The following ALG13 variants were observed in gnomAD, a reference collection of about 807,000 sequenced individuals.
ALG13 encodes the protein UDP-N-acetylglucosamine transferase subunit ALG13.
Under a neutral mutation model 87.8 loss-of-function variants are expected in ALG13, and 11 were observed. That is an observed-to-expected ratio of 0.13 (90% CI 0.08 to 0.21). ALG13 has a LOEUF of 0.21. ALG13 is among the 10% of genes least tolerant of loss of function. The pLI is 1.00. For synonymous variants in ALG13, 320 were observed against 306.3 expected (o/e 1.04, Z -0.47); for missense variants, 756 against 866.1 (o/e 0.87, Z 1.60).
chrX:111,697,688 A>G (rs1171740054), intron 3 of ALG13, among the ~76,000 whole-genome samples: 1 of 112,286 alleles, frequency 8.9e-6, no homozygotes, highest in Non-Finnish European at 1.9e-5. Context: ...AAAATATCCT[A>G]TTGTACTAAT....
In ALG13 at chrX:111,708,033, G is replaced by A. The variant is rs749761347; in HGVS notation, c.390G>A (p.Leu130=). Residue 130 remains leucine, a synonymous_variant, in exon 4 of 27, where the codon CTG becomes CTA. Transcript: ENST00000394780. ...CTTCCTCTTCTTTTCACAGGGTCCTGACTTGTCCTGGGCAAGCCAAGTCCA... is the reference window on the plus strand; with the variant it reads ...CTTCCTCTTCTTTTCACAGGGTCCTAACTTGTCCTGGGCAAGCCAAGTCCA... ...GHLFYCTCRV[L]TCPGQAKSIA... is the part of the protein sequence containing the mutation. 4 of 1,207,307 alleles carry A rather than the reference G, an allele frequency of 3.3e-6. No homozygotes were observed. The highest frequency in any genetic ancestry group is 4.5e-6 in the Non-Finnish European group (4 of 893,372).
chrX:111,713,816 A>G (rs773294508), intron 8 of ALG13, among the ~76,000 whole-genome samples: 1 of 112,130 alleles, frequency 8.9e-6, no homozygotes, highest in Non-Finnish European at 1.9e-5. Context: ...TCTTGAGGGA[A>G]GTGACAGTGT....
chrX:111,691,407 C>T (rs1936130312), intron 3 of ALG13, among the ~76,000 whole-genome samples: 1 of 111,713 alleles, frequency 9.0e-6, no homozygotes, highest in Middle Eastern at 4.7e-3. Context: ...GGCCGTAATA[C>T]GATATTTTTA....
rs1945596882 is a variant in ALG13, at chrX:111,759,847, G to A, written c.3262G>A (p.Val1088Ile). 1 of 1,208,970 alleles carries A rather than the reference G, an allele frequency of 8.3e-7. No homozygotes were observed. Among genetic ancestry groups the A allele is most frequent in the African/African-American group, 1.8e-5 (1 of 56,924 alleles). Residue 1088 changes from valine (V) to isoleucine (I), a missense_variant, in exon 27 of 27, where the codon GTT (valine) becomes ATT (isoleucine). By Grantham distance (29) the Val-to-Ile change is conservative. Around this residue, in one of 9 missense-constraint regions of ALG13, gnomAD observed 110 missense variants for 104.9 expected, o/e 1.05. Transcript: ENST00000394780. ...GCCAGGTTTTGACTCCTGCCTTCCG[G>A]TTGTGCCAGATTATTCCTGTGTTCC... ...PLPGFDSCLP[V>I]VPDYSCVPPW...
At chrX:111,755,503 G>T (rs187468749) in intron 25 of ALG13, among the ~76,000 whole-genome samples, 1 of 112,246 alleles carries the variant, frequency 8.9e-6, no homozygotes, top group Non-Finnish European at 1.9e-5. Flanking sequence ...GCAACCTACA[G>T]AATGGGAGAA....
At position 111,686,842 on chromosome X, in the gene ALG13, A is replaced by G. The variant is rs753458343; in HGVS notation, c.383+1739A>G. On this transcript the variant is annotated intron_variant, in intron 3 of 26. Transcript: ENST00000394780. ...AGGAAGGAAACTGTACAAGTCTCCA[A>G]TTTATTTTATTTTTATTTTTTTACA... Among the ~76,000 whole-genome samples the G allele has an allele frequency of 4.4e-5, 5 of 112,456 alleles. No homozygotes were observed. In the South Asian group the frequency reaches 1.8e-3, roughly 41 times the overall value.
chrX:111,723,479 G>GC (rs757661346), intron 13 of ALG13, among the ~76,000 whole-genome samples: 1 of 110,525 alleles, frequency 9.0e-6, no homozygotes, highest in African/African-American at 3.3e-5. Context: ...TTACTATGTT[G>GC]CCCAGGCTGG....
At chrX:111,729,474 G>T (rs751705506) in intron 19 of ALG13, among the ~76,000 whole-genome samples, 1 of 111,311 alleles carries the variant, frequency 9.0e-6, no homozygotes, top group Non-Finnish European at 1.9e-5. Context: ...AACTTTGTAC[G>T]TGTGTGCATG....
chrX:111,726,847 T>A lies in ALG13; in HGVS notation c.1768T>A (p.Phe590Ile). 8.3e-7 allele frequency: 1 copy of A among 1,210,703 alleles called. No individual in the cohort carries two copies. Residue 590 changes from phenylalanine to isoleucine, a missense_variant, in exon 16 of 27, where the codon TTC (phenylalanine) becomes ATC (isoleucine). Coordinates refer to ENST00000394780, the MANE Select transcript of ALG13 (RefSeq NM_001099922.3). ...EMDIKQQKKM[F>I]KKIRGKEVYM... Reference sequence around the variant, plus strand: ...GGACATAAAGCAACAGAAGAAGATGTTCAAGAAAATTCGAGGGAAAGAAGT... The same window carrying A: ...GGACATAAAGCAACAGAAGAAGATGATCAAGAAAATTCGAGGGAAAGAAGT...
chrX:111,724,224 A>G (rs1205576410), intron 14 of ALG13, among the ~76,000 whole-genome samples: 1 of 112,236 alleles, frequency 8.9e-6, no homozygotes, highest in Non-Finnish European at 1.9e-5. Context: ...AAGATAAGCT[A>G]ATCTAGTCTT....
intron 6 of ALG13, 120 bp downstream of exon 6, chrX:111,711,845 G>A: frequency 1.5e-6 from 1 of 667,997 alleles, no homozygotes; most frequent in Non-Finnish European, 2.2e-6. Context: ...AGCCAGCTGT[G>A]TTGAATCCAA....
intron 19 of ALG13, among the ~76,000 whole-genome samples, chrX:111,729,405 A>C (rs1214301159): frequency 9.0e-6 from 1 of 111,289 alleles, no homozygotes; most frequent in Non-Finnish European, 1.9e-5. Context: ...GTAGAAAAAA[A>C]ATAGATATTT....
chrX:111,745,897 GTACT>G (rs1944200646), intron 24 of ALG13, among the ~76,000 whole-genome samples: 1 of 111,037 alleles, frequency 9.0e-6, no homozygotes, highest in Non-Finnish European at 1.9e-5. Context: ...TACCCGAGAT[GTACT>G]TAGTCACCAC....
At chrX:111,746,520 G>A (rs1305167082) in intron 24 of ALG13, among the ~76,000 whole-genome samples, 1 of 111,916 alleles carries the variant, frequency 8.9e-6, no homozygotes, top group Non-Finnish European at 1.9e-5. Context: ...TTTCATGGCC[G>A]AGTAGCATTT....
chrX:111,719,307 G>T (rs1468612012), intron 10 of ALG13, among the ~76,000 whole-genome samples: 2 of 111,290 alleles, frequency 1.8e-5, no homozygotes, highest in Admixed American at 1.9e-4. Context: ...TTACAGACGT[G>T]AGCCACCACA....
chrX:111,727,851 T>C, intron 18 of ALG13, 81 bp downstream of exon 18: 1 of 994,762 alleles, frequency 1.0e-6, no homozygotes, highest in Non-Finnish European at 1.3e-6. Context: ...GTGGATAAAT[T>C]TTAGATTTTG....
chrX:111,709,015 A>G lies in ALG13; in HGVS notation c.801A>G (p.Ser267=), dbSNP rs1376403310. 3 of 1,184,313 alleles carry G rather than the reference A, an allele frequency of 2.5e-6. No homozygotes were observed. Among genetic ancestry groups the G allele is most frequent in the East Asian group, 6.1e-5 (2 of 32,817 alleles). The change falls in exon 5 of 27, where the codon TCA becomes TCG. Residue 267 remains serine, a synonymous_variant. Transcript: ENST00000394780. Reference sequence around the variant, plus strand: ...TGGAAATCAGGAAGGCTTGTGTCTCATATATGAGGGAAAATCAACAAACTT... The same window carrying G: ...TGGAAATCAGGAAGGCTTGTGTCTCGTATATGAGGGAAAATCAACAAACTT... ...HHLEIRKACV[S]YMRENQQTFE...
At position 111,760,140 on chromosome X, in the gene ALG13, A is replaced by G. The variant is rs1311116475; in HGVS notation, c.*141A>G. The stretch of plus-strand genomic sequence containing the variant: ...GTCTTTAAAATTATTTTATCTTTTG[A>G]TTTAAAATAGTACTTTAAAATTAAG... On this transcript the variant is annotated 3_prime_UTR_variant, in exon 27 of 27. Transcript: ENST00000394780. 2.9e-5 allele frequency: 21 copies of G among 721,601 alleles called. No individual in the cohort carries two copies. Among genetic ancestry groups the G allele is most frequent in the African/African-American group, 2.2e-5 (1 of 45,743 alleles). The allele number at this position is 721,601 out of a possible 1,213,427, so 59.5% of individuals were successfully genotyped here. A position where few individuals can be genotyped will look rare whatever the true frequency, so the allele number is the denominator to read the frequency against.
intron 25 of ALG13, among the ~76,000 whole-genome samples, chrX:111,756,902 G>T (rs1262839210): frequency 2.7e-5 from 3 of 111,803 alleles, no homozygotes; most frequent in African/African-American, 9.8e-5. Flanking sequence ...TGTTATGTTA[G>T]TTTATTATAG....
Sources: gnomAD v4.1 joint callset for allele counts (sites outside exome capture counted in the v4.1 genomes callset) on GRCh38, gnomAD v4.1.1 for gene constraint, gnomAD v4.1.1 regional missense constraint, MANE v1.5 for transcripts, NCBI Gene and HGNC (gene_info 2026-07-23, HGNC 2026-07-21) for gene names.